The following ROR2 variants were observed in gnomAD, a reference collection of about 807,000 sequenced individuals.
ROR2 encodes tyrosine-protein kinase transmembrane receptor ROR2.
A neutral mutation model predicts 74.9 loss-of-function variants in ROR2; 33 were observed. The observed-to-expected ratio is 0.44, with a 90% confidence interval of 0.33 to 0.59. The LOEUF (loss-of-function observed/expected upper bound fraction) is 0.59. Ranked by LOEUF, ROR2 falls within the 20% of genes least tolerant of loss-of-function variation. The pLI is 0.02. For synonymous variants in ROR2, 586 were observed against 558.7 expected, an observed-to-expected ratio of 1.05 and a Z score of -0.69; for missense variants, 1,216 against 1,313.8, an observed-to-expected ratio of 0.93 and a Z score of 1.15.
chr9:91,790,814 G>A (rs542819904), intron 1 of ROR2, among the ~76,000 whole-genome samples: 1 of 152,274 alleles, frequency 6.6e-6, no homozygotes, highest in East Asian at 1.9e-4. Context: ...TGGACCTTGT[G>A]TTGGCCTAGG....
intron 1 of ROR2, among the ~76,000 whole-genome samples, chr9:91,909,842 GTTTTGTTTTTTTTTTTT>G (rs1830916090): frequency 1.8e-5 from 1 of 55,978 alleles, no homozygotes; most frequent in Non-Finnish European, 3.2e-5. Context: ...TTTTAGGTTT[GTTTTGTTTTTTTTTTTT>G]TTTTTTTTTT....
chr9:91,928,776 G>A (rs569978944), intron 1 of ROR2, among the ~76,000 whole-genome samples: 1 of 152,330 alleles, frequency 6.6e-6, no homozygotes, highest in Non-Finnish European at 1.5e-5. Flanking sequence ...TGCTTCTGAA[G>A]AACCCCATGA....
At chr9:91,790,608 C>T (rs1826939845) in intron 1 of ROR2, among the ~76,000 whole-genome samples, 1 of 152,000 alleles carries the variant, frequency 6.6e-6, no homozygotes, top group East Asian at 1.9e-4. Context: ...TATGTACTTA[C>T]TATACTATAC....
intron 4 of ROR2, among the ~76,000 whole-genome samples, chr9:91,753,238 G>C (rs548546398): frequency 7.9e-5 from 12 of 152,114 alleles, no homozygotes; most frequent in South Asian, 4.1e-4. Context: ...AAGACATAAA[G>C]AATTATCAAA....
chr9:91,859,071 C>T (rs577136056), intron 1 of ROR2, among the ~76,000 whole-genome samples: 1 of 152,234 alleles, frequency 6.6e-6, no homozygotes, highest in Admixed American at 6.5e-5. Flanking sequence ...ATGGGTCCAG[C>T]CAAGTACAAG....
intron 1 of ROR2, among the ~76,000 whole-genome samples, chr9:91,881,463 T>C (rs1293968399): frequency 1.3e-5 from 2 of 152,216 alleles, no homozygotes; most frequent in African/African-American, 2.4e-5. Context: ...TGTTAGTGTA[T>C]GGTAAAATCA....
At chr9:91,788,329 TA>T (rs1457410773) in intron 1 of ROR2, among the ~76,000 whole-genome samples, 1 of 152,098 alleles carries the variant, frequency 6.6e-6, no homozygotes, top group Non-Finnish European at 1.5e-5. Flanking sequence ...CCAAGTTTGA[TA>T]AAAGTATTAA....
intron 1 of ROR2, among the ~76,000 whole-genome samples, chr9:91,931,419 C>T (rs1322770572): frequency 3.9e-5 from 6 of 152,120 alleles, no homozygotes; most frequent in African/African-American, 1.4e-4. Context: ...AAAAGCACAA[C>T]ACAAAATCTG....
intron 2 of ROR2, among the ~76,000 whole-genome samples, chr9:91,772,614 T>C (rs1283617496): frequency 1.3e-5 from 2 of 152,226 alleles, no homozygotes; most frequent in African/African-American, 4.8e-5. Flanking sequence ...TAAACATGCA[T>C]GTATGTACAG....
At chr9:91,729,064 T>C (rs1316855260) in intron 7 of ROR2, among the ~76,000 whole-genome samples, 6 of 150,150 alleles carry the variant, frequency 4.0e-5, no homozygotes, top group African/African-American at 1.5e-4. Flanking sequence ...TTATTTTTAA[T>C]TACAAAAGTA....
intron 1 of ROR2, among the ~76,000 whole-genome samples, chr9:91,851,535 T>C (rs1451331285): frequency 6.6e-6 from 1 of 152,214 alleles, no homozygotes; most frequent in Non-Finnish European, 1.5e-5. Context: ...TTGGTTCTTC[T>C]TGCTCATTTT....
At chr9:91,740,318 G>A (rs1825178903) in intron 4 of ROR2, among the ~76,000 whole-genome samples, 1 of 152,140 alleles carries the variant, frequency 6.6e-6, no homozygotes, top group South Asian at 2.1e-4. Flanking sequence ...GGAGGCCAAG[G>A]TGGGAGGATC....
In ROR2 at chr9:91,915,642, G is replaced by C. The variant is rs1266632598; in HGVS notation, c.97+34225C>G. ...GAGCAGGTTGCTGCTGCTGTCTTGG[G>C]GGAGGTGGGGGGCGGGGGGAGGTGG... On this transcript the variant is annotated intron_variant, in intron 1 of 8. Transcript: ENST00000375708. 2.0e-5 allele frequency among the ~76,000 whole-genome samples: 3 copies of C among 151,698 alleles called. 1 individual carries two copies. Among genetic ancestry groups the C allele is most frequent in the Non-Finnish European group, 4.4e-5 (3 of 67,988 alleles).
At chr9:91,775,362 A>C (rs1741430054) in intron 2 of ROR2, among the ~76,000 whole-genome samples, 1 of 152,182 alleles carries the variant, frequency 6.6e-6, no homozygotes, top group Admixed American at 6.5e-5. Context: ...AACTGAAGCC[A>C]CAAGACAGAA....
In ROR2 at chr9:91,950,019, CG is replaced by C. The variant is rs1564058627; in HGVS notation, c.-57del. On this transcript the variant is annotated 5_prime_UTR_variant, in exon 1 of 9. Coordinates refer to ENST00000375708, the MANE Select transcript of ROR2 (RefSeq NM_004560.4). The stretch of plus-strand genomic sequence containing the variant: ...AGAGCTTCGGGCCGGGGCGCGGGGT[CG>C]GGCGCCACCACCCCTTTCTACGATG... 2 of 893,934 alleles carry C rather than the reference CG, an allele frequency of 2.2e-6. No homozygotes were observed. Among genetic ancestry groups the C allele is most frequent in the Non-Finnish European group, 3.1e-6 (2 of 647,276 alleles). The allele number at this position is 893,934 out of a possible 1,614,324, so 55.4% of individuals were successfully genotyped here. A position where few individuals can be genotyped will look rare whatever the true frequency, so the allele number is the denominator to read the frequency against.
At chr9:91,819,556 T>C (rs1408758708) in intron 1 of ROR2, among the ~76,000 whole-genome samples, 1 of 151,996 alleles carries the variant, frequency 6.6e-6, no homozygotes, top group Non-Finnish European at 1.5e-5. Context: ...TGTGTATCTT[T>C]GTGTGTGTCT....
chr9:91,799,386 C>CG lies in ROR2; in HGVS notation c.98-23569dup, dbSNP rs1159556748. On this transcript the variant is annotated intron_variant, in intron 1 of 8. Transcript: ENST00000375708. ...GTCCCAAGTGTGGACAGTGCCGAGA[C>CG]GGGGGCACGCATTCCCCTCCAGCCC... 1.6e-4 allele frequency among the ~76,000 whole-genome samples: 25 copies of CG among 152,192 alleles called. 1 individual carries two copies. The highest frequency in any genetic ancestry group is 1.6e-3 in the Admixed American group (25 of 15,282).
At chr9:91,921,012 T>C (rs374029592) in intron 1 of ROR2, among the ~76,000 whole-genome samples, 27 of 152,366 alleles carry the variant, frequency 1.8e-4, no homozygotes, top group South Asian at 4.1e-4. Context: ...TGCAGTATCA[T>C]TGCCAACAAA....
chr9:91,796,116 C>A (rs10119449), intron 1 of ROR2, among the ~76,000 whole-genome samples: 13,081 of 152,150 alleles, frequency 0.086, 1,446 homozygotes, highest in African/African-American at 0.25. Flanking sequence ...TGAGACTGAA[C>A]ACGTTCCCCA....
Sources: allele counts gnomAD v4.1 joint callset (sites outside exome capture counted in the v4.1 genomes callset), GRCh38; gene constraint gnomAD v4.1.1; transcripts MANE v1.5; gene names NCBI Gene and HGNC (gene_info 2026-07-23, HGNC 2026-07-21).